REV1: variants seen among roughly 807,000 people sequenced by gnomAD.
REV1 encodes the protein REV1 DNA directed polymerase.
Under a neutral mutation model 137.4 loss-of-function variants are expected in REV1, and 42 were observed. That is an observed-to-expected ratio of 0.31 (90% confidence interval 0.24 to 0.40). The LOEUF (loss-of-function observed/expected upper bound fraction) is 0.40. REV1 is among the 10% of genes least tolerant of loss of function. REV1 has a pLI of 1.00. For synonymous variants in REV1, 524 were observed against 519.2 expected, an observed-to-expected ratio of 1.01 and a Z score of -0.12; for missense variants, 1,282 against 1,490.1, an observed-to-expected ratio of 0.86 and a Z score of 2.30.
At chr2:99,449,979 G>A (rs184983362) in intron 3 of REV1, among the ~76,000 whole-genome samples, 108 of 152,200 alleles carry the variant, frequency 7.1e-4, no homozygotes, top group African/African-American at 2.6e-3. Context: ...GAGACTTACT[G>A]TAGGGCTTAT....
chr2:99,446,880 T>A (rs569070077), intron 4 of REV1, among the ~76,000 whole-genome samples: 1 of 152,174 alleles, frequency 6.6e-6, no homozygotes, highest in Non-Finnish European at 1.5e-5. Flanking sequence ...AAATTCCCCA[T>A]TCCCTCCAAA....
Position 99,422,817 on chromosome 2 carries a change from A to G in REV1, c.1677-1164T>C, listed in dbSNP as rs28382923. ...TCACAGCTCTCTCTCACATCCTCAT[A>G]ACCTCAGGCACAGGCTGATGCTTGC... On this transcript the variant is annotated intron_variant, in intron 10 of 22. Coordinates refer to ENST00000258428, the MANE Select transcript of REV1 (RefSeq NM_016316.4). 2.9e-3 allele frequency among the ~76,000 whole-genome samples: 448 copies of G among 152,258 alleles called. 5 individuals carry two copies. Among genetic ancestry groups the G allele is most frequent in the African/African-American group, 0.01 (430 of 41,528 alleles).
At chr2:99,426,967 G>A (rs1353631000) in intron 9 of REV1, among the ~76,000 whole-genome samples, 1 of 152,118 alleles carries the variant, frequency 6.6e-6, no homozygotes, top group Non-Finnish European at 1.5e-5. Context: ...AGCGGGTCAC[G>A]AGGTCAGGAG....
chr2:99,420,921 G>A (rs1272204510), intron 11 of REV1, among the ~76,000 whole-genome samples: 1 of 152,168 alleles, frequency 6.6e-6, no homozygotes, highest in African/African-American at 2.4e-5. Flanking sequence ...GGTGACTCAG[G>A]GAAGCTTAAG....
chr2:99,484,022 A>C (rs1362682123), intron 1 of REV1, among the ~76,000 whole-genome samples: 1 of 148,446 alleles, frequency 6.7e-6, no homozygotes, highest in Non-Finnish European at 1.5e-5. Flanking sequence ...AAACCATTAA[A>C]ATTTATGTAA....
chr2:99,470,117 T>C (rs1283280693), intron 1 of REV1, among the ~76,000 whole-genome samples: 1 of 147,716 alleles, frequency 6.8e-6, no homozygotes, highest in African/African-American at 2.5e-5. Flanking sequence ...CAAGACTCCA[T>C]CTCAAAAAAA....
intron 1 of REV1, among the ~76,000 whole-genome samples, chr2:99,477,572 T>A (rs1014290716): frequency 2.0e-5 from 3 of 152,194 alleles, no homozygotes; most frequent in Non-Finnish European, 4.4e-5. Context: ...CATAAGTACA[T>A]CTGAGCATTT....
In REV1 at chr2:99,434,302, A is replaced by G. The variant is rs369464334; in HGVS notation, c.1438+30T>C. Reference sequence around the variant, plus strand: ...AAATCCAGAAGCCATCCACAGGAGCACTAAGACTTCAAAGAGAGCTCATTT... The same window carrying G: ...AAATCCAGAAGCCATCCACAGGAGCGCTAAGACTTCAAAGAGAGCTCATTT... On this transcript the variant is annotated intron_variant, in intron 8 of 22. Coordinates refer to ENST00000258428, the MANE Select transcript of REV1 (RefSeq NM_016316.4). 12 of 1,448,418 alleles carry G rather than the reference A, an allele frequency of 8.3e-6. No homozygotes were observed. In the African/African-American group the frequency reaches 1.4e-4, roughly 17 times the overall value. The allele number at this position is 1,448,418 out of a possible 1,614,324, so 89.7% of individuals were successfully genotyped here. A position where few individuals can be genotyped will look rare whatever the true frequency, so the allele number is the denominator to read the frequency against.
chr2:99,417,971 G>A (rs1273353212), intron 12 of REV1, among the ~76,000 whole-genome samples: 4 of 152,122 alleles, frequency 2.6e-5, no homozygotes, highest in African/African-American at 9.7e-5. Flanking sequence ...ACACATTTCT[G>A]ACACTAATAC....
intron 1 of REV1, among the ~76,000 whole-genome samples, chr2:99,477,110 T>G (rs1183689039): frequency 1.3e-5 from 2 of 152,098 alleles, no homozygotes; most frequent in Non-Finnish European, 2.9e-5. Context: ...AAAACGGCAC[T>G]GTCCTCCAGT....
chr2:99,426,808 A>C (rs945545206), intron 9 of REV1, among the ~76,000 whole-genome samples: 14 of 152,356 alleles, frequency 9.2e-5, no homozygotes, highest in African/African-American at 2.9e-4. Context: ...GCTTATTCCT[A>C]CATTTAAAGC....
At chr2:99,425,317 G>A (rs1465573631) in intron 9 of REV1, among the ~76,000 whole-genome samples, 4 of 152,062 alleles carry the variant, frequency 2.6e-5, no homozygotes, top group Non-Finnish European at 5.9e-5. Context: ...GCATTTTTAT[G>A]TTTATAAAAA....
chr2:99,422,692 C>T lies in REV1; in HGVS notation c.1677-1039G>A, dbSNP rs117960410. 1.1e-3 allele frequency among the ~76,000 whole-genome samples: 160 copies of T among 152,294 alleles called. 2 individuals carry two copies. The East Asian group carries it at 0.028, about 26-fold the overall frequency. ...ATTTCCCAAGGGTGGTAGAAGAACACTACTGTGGATATTTTTCCCCTAAGA... is the reference window on the plus strand; with the variant it reads ...ATTTCCCAAGGGTGGTAGAAGAACATTACTGTGGATATTTTTCCCCTAAGA... On this transcript the variant is annotated intron_variant, in intron 10 of 22. Transcript: ENST00000258428.
intron 18 of REV1, among the ~76,000 whole-genome samples, chr2:99,404,214 G>C (rs1226627062): frequency 6.6e-6 from 1 of 152,046 alleles, no homozygotes; most frequent in African/African-American, 2.4e-5. Context: ...TTCTGTCTTA[G>C]CATGCCCTCC....
chr2:99,410,965 T>C (rs1282717911), intron 13 of REV1, 98 bp from the exon 14 acceptor site: 2 of 1,144,998 alleles, frequency 1.7e-6, no homozygotes, highest in African/African-American at 3.2e-5. Context: ...AACATGTTGG[T>C]TACTCACTAT....
rs775049052 is a variant in REV1 at position 99,434,466 on chromosome 2, A to T, written c.1322-18T>A. 1.9e-6 allele frequency: 3 copies of T among 1,555,314 alleles called. No individual in the cohort carries two copies. The South Asian group carries it at 3.5e-5, about 18-fold the overall frequency. ...TGGTTTTCCTGTGAGGAAAATATTAAATTATTTCTGTATGTGGTACAGGAA... is the reference window on the plus strand; with the variant it reads ...TGGTTTTCCTGTGAGGAAAATATTATATTATTTCTGTATGTGGTACAGGAA... On this transcript the variant is annotated intron_variant, in intron 7 of 22. Transcript: ENST00000258428.
Position 99,488,525 on chromosome 2 carries a change from C to A in REV1, c.-11+1292G>T, listed in dbSNP as rs1023754979. Among the ~76,000 whole-genome samples, 20 of 49,996 alleles carry A rather than the reference C, an allele frequency of 4.0e-4. 8 individuals carry two copies. The highest frequency in any genetic ancestry group is 1.1e-3 in the African/African-American group (16 of 15,026). 32.8% of individuals were successfully genotyped at this position (49,996 alleles called of 152,430 possible). On this transcript the variant is annotated intron_variant, in intron 1 of 22. Transcript: ENST00000258428. ...GATAAACGCAACACAGGAAAAGGCG[C>A]AAATAGCCTAAGAATTGAATGGAAG...
chr2:99,442,424 G>A lies in REV1; in HGVS notation c.396C>T (p.Tyr132=), dbSNP rs1463033860. 1.9e-6 allele frequency: 3 copies of A among 1,613,910 alleles called. No homozygotes were observed. The highest frequency in any genetic ancestry group is 2.5e-6 in the Non-Finnish European group (3 of 1,179,972). ...RLLSYIPYQL[Y]TKQSSVQKGL... ...CTTTCTGCACACTGGACTGCTTGGT[G>A]TACAGCTGATATGGAATGTAGGAGA... The change falls in exon 5 of 23, where the codon TAC becomes TAT. Residue 132 remains tyrosine, a synonymous_variant. Coordinates refer to ENST00000258428, the MANE Select transcript of REV1 (RefSeq NM_016316.4).
At chr2:99,472,257 C>T (rs572252997) in intron 1 of REV1, among the ~76,000 whole-genome samples, 13 of 152,290 alleles carry the variant, frequency 8.5e-5, no homozygotes, top group African/African-American at 3.1e-4. Context: ...CGTGCTACAA[C>T]TTGCATGAAC....
Sources: gnomAD v4.1 joint callset for allele counts (sites outside exome capture counted in the v4.1 genomes callset) on GRCh38, gnomAD v4.1.1 for gene constraint, MANE v1.5 for transcripts, NCBI Gene and HGNC (gene_info 2026-07-23, HGNC 2026-07-21) for gene names.